Variants in HSD17B12 observed in about 807,000 individuals in gnomAD.
The protein encoded by HSD17B12 is hydroxysteroid 17-beta dehydrogenase 12, also known as very-long-chain 3-oxoacyl-CoA reductase.
A neutral mutation model predicts 39.3 loss-of-function variants in HSD17B12; 32 were observed. The observed-to-expected ratio is 0.81, with a 90% CI of 0.61 to 1.09. The LOEUF (loss-of-function observed/expected upper bound fraction) is 1.09, where lower values mean the gene tolerates loss of function less well. HSD17B12 is among the 50% of genes least tolerant of loss of function. The pLI, the probability that HSD17B12 is intolerant of heterozygous loss-of-function variation, is 0.00. For missense variants in HSD17B12, 342 were observed against 382.9 expected (o/e 0.89, Z 0.89); for synonymous variants, 150 against 146.7 (o/e 1.02, Z -0.16).
chr11:43,707,469 C>A (rs1743416544), intron 1 of HSD17B12, among the ~76,000 whole-genome samples: 1 of 152,296 alleles, frequency 6.6e-6, no homozygotes, highest in Middle Eastern at 3.4e-3. Flanking sequence ...TTTGCCATTC[C>A]TTGTGTATTT....
chr11:43,568,098 T>A, the HSD17B12 span, among the ~76,000 whole-genome samples: 1 of 152,028 alleles, frequency 6.6e-6, no homozygotes, highest in Non-Finnish European at 1.5e-5. Flanking sequence ...TTAATTTTAT[T>A]TATTTATTTA....
At chr11:43,587,004 C>T in the HSD17B12 span, among the ~76,000 whole-genome samples, 2 of 152,030 alleles carry the variant, frequency 1.3e-5, no homozygotes, top group Non-Finnish European at 2.9e-5. Flanking sequence ...GTGAAAGATA[C>T]AAATAGGTTA....
At chr11:43,609,476 C>G in the HSD17B12 span, among the ~76,000 whole-genome samples, 2 of 151,872 alleles carry the variant, frequency 1.3e-5, no homozygotes, top group Non-Finnish European at 2.9e-5. Context: ...AGCAATCCTC[C>G]CATCTCAGCC....
At chr11:43,841,758 T>C (rs1319559435) in intron 9 of HSD17B12, among the ~76,000 whole-genome samples, 2 of 152,308 alleles carry the variant, frequency 1.3e-5, no homozygotes, top group East Asian at 3.9e-4. Context: ...CTCCTGCCTA[T>C]CAGCTACCCC....
At chr11:43,713,634 G>GTA (rs1950091744) in intron 1 of HSD17B12, among the ~76,000 whole-genome samples, 1 of 152,048 alleles carries the variant, frequency 6.6e-6, no homozygotes, top group Admixed American at 6.6e-5. Flanking sequence ...AATCCTTTGG[G>GTA]TATATCCAGT....
intron 9 of HSD17B12, among the ~76,000 whole-genome samples, chr11:43,848,863 C>T (rs1951504470): frequency 6.6e-6 from 1 of 152,180 alleles, no homozygotes; most frequent in African/African-American, 2.4e-5. Flanking sequence ...GACTACTTCT[C>T]ATGACCTCCA....
At chr11:43,579,989 C>T in the HSD17B12 span, among the ~76,000 whole-genome samples, 1 of 151,986 alleles carries the variant, frequency 6.6e-6, no homozygotes, top group African/African-American at 2.4e-5. Context: ...GGTGAGGTTT[C>T]CCCCACTGGG....
chr11:43,560,876 A>G, the HSD17B12 span, among the ~76,000 whole-genome samples: 1 of 152,056 alleles, frequency 6.6e-6, no homozygotes, highest in African/African-American at 2.4e-5. Flanking sequence ...CAGGCTGAGA[A>G]CCCTATTACT....
the HSD17B12 span, among the ~76,000 whole-genome samples, chr11:43,582,943 C>A: frequency 6.6e-6 from 1 of 152,186 alleles, no homozygotes; most frequent in Non-Finnish European, 1.5e-5. Flanking sequence ...AGCAAAAGCT[C>A]CGGGGATTTT....
rs1257812556 is a variant in HSD17B12 at position 43,831,571 on chromosome 11, A to G, written c.536+561A>G. On this transcript the variant is annotated intron_variant, in intron 7 of 10. Transcript: ENST00000278353. The surrounding 1 kb of genome is among the most constrained non-coding windows in gnomAD (Gnocchi z 4.1). ...AATGTCTTCATTTTGATTGAGAAATATGTTGTAGATTTCTGTTATCTGAAA... is the reference window on the plus strand; with the variant it reads ...AATGTCTTCATTTTGATTGAGAAATGTGTTGTAGATTTCTGTTATCTGAAA... 2.6e-5 allele frequency: 4 copies of G among 152,198 alleles called. No individual in the cohort carries two copies. Among genetic ancestry groups the G allele is most frequent in the Admixed American group, 1.3e-4 (2 of 15,282 alleles). The allele number at this position is 152,198 out of a possible 1,614,324, so 9.4% of individuals were successfully genotyped here.
chr11:43,844,981 G>GT (rs1951461144), intron 9 of HSD17B12, among the ~76,000 whole-genome samples: 3 of 151,130 alleles, frequency 2.0e-5, no homozygotes, highest in Admixed American at 2.0e-4. Context: ...AAAATAAGGG[G>GT]TTGTTTGTTT....
intron 1 of HSD17B12, among the ~76,000 whole-genome samples, chr11:43,695,118 A>G (rs1225218568): frequency 6.6e-6 from 1 of 151,486 alleles, no homozygotes; most frequent in Non-Finnish European, 1.5e-5. Context: ...CCTGGGAGAC[A>G]GAGTGAGACT....
chr11:43,783,397 CTT>C (rs1349708824), intron 3 of HSD17B12, among the ~76,000 whole-genome samples: 6 of 133,032 alleles, frequency 4.5e-5, no homozygotes, highest in Admixed American at 7.6e-5. Flanking sequence ...CTCCAAAGAG[CTT>C]TTTTTTTTTT....
the HSD17B12 span, among the ~76,000 whole-genome samples, chr11:43,652,115 T>A: frequency 6.6e-6 from 1 of 152,132 alleles, no homozygotes; most frequent in Non-Finnish European, 1.5e-5. Context: ...GTAGCTTTTT[T>A]AAAAAATAAA....
At chr11:43,583,528 C>A in the HSD17B12 span, among the ~76,000 whole-genome samples, 1 of 152,166 alleles carries the variant, frequency 6.6e-6, no homozygotes, top group African/African-American at 2.4e-5. Flanking sequence ...ACCCCTTCCC[C>A]CTTCCCTTCA....
chr11:43,781,170 T>C (rs1950761912), intron 3 of HSD17B12, among the ~76,000 whole-genome samples: 1 of 152,194 alleles, frequency 6.6e-6, no homozygotes, highest in Non-Finnish European at 1.5e-5. Flanking sequence ...ATTCTGTTGC[T>C]CTTAACTTTC....
the HSD17B12 span, among the ~76,000 whole-genome samples, chr11:43,640,799 T>C: frequency 2.3e-3 from 343 of 151,910 alleles, no homozygotes; most frequent in Middle Eastern, 6.8e-3. Flanking sequence ...CAAAATGGGG[T>C]TTTTAATTGC....
intron 6 of HSD17B12, among the ~76,000 whole-genome samples, chr11:43,827,533 A>T (rs1305245111): frequency 6.6e-6 from 1 of 152,200 alleles, no homozygotes; most frequent in Non-Finnish European, 1.5e-5. Flanking sequence ...TAGAAATAAG[A>T]TTGTGGAGGC....
At chr11:43,757,832 C>A (rs1235431942) in intron 3 of HSD17B12, among the ~76,000 whole-genome samples, 1 of 151,848 alleles carries the variant, frequency 6.6e-6, no homozygotes, top group Non-Finnish European at 1.5e-5. Context: ...GTGAGTTTTG[C>A]GATTCGCAAG....
Sources: allele counts gnomAD v4.1 joint callset (sites outside exome capture counted in the v4.1 genomes callset), GRCh38; gene constraint gnomAD v4.1.1; non-coding constraint Gnocchi (gnomAD v3.1); transcripts MANE v1.5; gene names NCBI Gene and HGNC (gene_info 2026-07-23, HGNC 2026-07-21).